The following RPAP2 variants were observed in gnomAD, a reference collection of about 807,000 sequenced individuals.
The protein encoded by RPAP2 is RNA polymerase II associated protein 2, also known as putative RNA polymerase II subunit B1 CTD phosphatase RPAP2.
Under a neutral mutation model 73.1 loss-of-function variants are expected in RPAP2, and 52 were observed. The observed-to-expected ratio is 0.71, with a 90% CI of 0.57 to 0.90. The LOEUF (loss-of-function observed/expected upper bound fraction) is 0.90, where lower values mean the gene tolerates loss of function less well. RPAP2 is among the 40% of genes least tolerant of loss of function. The pLI is 0.00. For missense variants in RPAP2, 598 were observed against 701.8 expected (o/e 0.85, Z 1.67); for synonymous variants, 225 against 242.1 (o/e 0.93, Z 0.65).
At chr1:92,340,805 T>C (rs1653552901) in intron 10 of RPAP2, among the ~76,000 whole-genome samples, 1 of 152,166 alleles carries the variant, frequency 6.6e-6, no homozygotes, top group African/African-American at 2.4e-5. Context: ...GAATGTTACA[T>C]TGGTTTACCT....
At chr1:92,343,161 A>C (rs540278239) in intron 10 of RPAP2, among the ~76,000 whole-genome samples, 40 of 152,310 alleles carry the variant, frequency 2.6e-4, no homozygotes, top group Non-Finnish European at 5.3e-4. Context: ...GAGAGTGCTC[A>C]TGAGAGGTGG....
intron 11 of RPAP2, among the ~76,000 whole-genome samples, chr1:92,370,674 G>C (rs1655110744): frequency 1.3e-5 from 2 of 151,972 alleles, no homozygotes; most frequent in Non-Finnish European, 2.9e-5. Context: ...TATTAAGAAA[G>C]GGTCTATTCT....
At chr1:92,311,512 T>A (rs1651594653) in intron 6 of RPAP2, among the ~76,000 whole-genome samples, 1 of 152,234 alleles carries the variant, frequency 6.6e-6, no homozygotes, top group South Asian at 2.1e-4. Context: ...AGATCAAAGC[T>A]TTTAAATTAT....
rs1002812619 is a variant in RPAP2, at chr1:92,399,915, T to C, written c.*12904T>C. The C allele has an allele frequency of 6.6e-6, 1 of 152,146 alleles. No homozygotes were observed. Among genetic ancestry groups the C allele is most frequent in the Non-Finnish European group, 1.5e-5 (1 of 68,024 alleles). The allele number at this position is 152,146 out of a possible 1,614,324, so 9.4% of individuals were successfully genotyped here. On this transcript the variant is annotated 3_prime_UTR_variant, in exon 13 of 13. Coordinates refer to ENST00000610020, the MANE Select transcript of RPAP2 (RefSeq NM_024813.3). ...TCTGGGTTGGGCATCCAGATAAGAT[T>C]TTCTTCGTACAAAGAGTCTTGCTAC... is the stretch of plus-strand genomic sequence containing the variant.
chr1:92,345,509 A>G (rs996145300), intron 10 of RPAP2, among the ~76,000 whole-genome samples: 1 of 151,952 alleles, frequency 6.6e-6, no homozygotes, highest in East Asian at 1.9e-4. Context: ...AGGGGAAAGC[A>G]TAGAGAATAT....
chr1:92,341,654 A>G (rs1042368871), intron 10 of RPAP2, among the ~76,000 whole-genome samples: 7 of 152,188 alleles, frequency 4.6e-5, no homozygotes, highest in Non-Finnish European at 8.8e-5. Flanking sequence ...AGAAAAGGAA[A>G]TACTTTTTTG....
intron 3 of RPAP2, among the ~76,000 whole-genome samples, chr1:92,303,010 A>G (rs1650972839): frequency 1.3e-5 from 2 of 152,108 alleles, no homozygotes; most frequent in African/African-American, 4.8e-5. Context: ...ACCAGTCTGG[A>G]CAACACAGCG....
At chr1:92,339,526 C>T (rs1653484049) in intron 10 of RPAP2, among the ~76,000 whole-genome samples, 1 of 152,078 alleles carries the variant, frequency 6.6e-6, no homozygotes, top group East Asian at 1.9e-4. Context: ...CCTTGGTTTT[C>T]CTGCCTGCTC....
intron 7 of RPAP2, among the ~76,000 whole-genome samples, chr1:92,323,064 T>C (rs1252173226): frequency 6.9e-6 from 1 of 145,812 alleles, no homozygotes; most frequent in East Asian, 2.0e-4. Flanking sequence ...ATATATACTT[T>C]ATATATATAT....
Position 92,391,456 on chromosome 1 carries a change from C to T in RPAP2, c.*4445C>T, listed in dbSNP as rs1432901605. ...GAGTGATCTAAAATCAACACCCTAA[C>T]ATCACAATTAAAAGAACTAGAGAAG... On this transcript the variant is annotated 3_prime_UTR_variant, in exon 13 of 13. Coordinates refer to ENST00000610020, the MANE Select transcript of RPAP2 (RefSeq NM_024813.3). 1.4e-4 allele frequency: 21 copies of T among 152,128 alleles called. No individual in the cohort carries two copies. Among genetic ancestry groups the T allele is most frequent in the Admixed American group, 1.4e-3 (21 of 15,268 alleles). 9.4% of individuals were successfully genotyped at this position (152,128 alleles called of 1,614,324 possible). A position where few individuals can be genotyped will look rare whatever the true frequency, so the allele number is the denominator to read the frequency against.
At chr1:92,306,317 A>G (rs151211444) in intron 5 of RPAP2, among the ~76,000 whole-genome samples, 1 of 152,238 alleles carries the variant, frequency 6.6e-6, no homozygotes, top group Non-Finnish European at 1.5e-5. Context: ...GAAGGTACTT[A>G]ATACCACTGT....
intron 12 of RPAP2, among the ~76,000 whole-genome samples, chr1:92,381,258 G>C (rs1279901351): frequency 6.6e-6 from 1 of 152,064 alleles, no homozygotes; most frequent in Non-Finnish European, 1.5e-5. Flanking sequence ...TCATCCTACT[G>C]CCCCTTTCAG....
At chr1:92,335,346 A>G (rs1653219604) in intron 9 of RPAP2, among the ~76,000 whole-genome samples, 1 of 152,178 alleles carries the variant, frequency 6.6e-6, no homozygotes, top group Non-Finnish European at 1.5e-5. Flanking sequence ...ATTTTGGAAC[A>G]TGTGTGAAAC....
At chr1:92,374,409 G>A (rs1309005869) in intron 11 of RPAP2, among the ~76,000 whole-genome samples, 1 of 152,154 alleles carries the variant, frequency 6.6e-6, no homozygotes, top group African/African-American at 2.4e-5. Context: ...TAGGGACTGC[G>A]TTGCTAGGTG....
At chr1:92,355,243 A>C (rs1360092515) in intron 11 of RPAP2, among the ~76,000 whole-genome samples, 1 of 152,154 alleles carries the variant, frequency 6.6e-6, no homozygotes, top group Non-Finnish European at 1.5e-5. Flanking sequence ...TTGAAACCCT[A>C]AACTCAGTCT....
chr1:92,384,025 T>G (rs1028066736), intron 12 of RPAP2, among the ~76,000 whole-genome samples: 4 of 151,524 alleles, frequency 2.6e-5, no homozygotes, highest in Non-Finnish European at 5.9e-5. Flanking sequence ...AGTGGTGCAA[T>G]CTCAGCTCAC....
In RPAP2 at chr1:92,392,042, C is replaced by G. The variant is rs918229847; in HGVS notation, c.*5031C>G. The G allele has an allele frequency of 6.6e-6, 1 of 152,194 alleles. No homozygotes were observed. The highest frequency in any genetic ancestry group is 2.1e-4 in the South Asian group (1 of 4,836). The allele number at this position is 152,194 out of a possible 1,614,324, so 9.4% of individuals were successfully genotyped here. A position where few individuals can be genotyped will look rare whatever the true frequency, so the allele number is the denominator to read the frequency against. On this transcript the variant is annotated 3_prime_UTR_variant, in exon 13 of 13. Coordinates refer to ENST00000610020, the MANE Select transcript of RPAP2 (RefSeq NM_024813.3). ...TCCCTAACTCATTTTATGAGGCTAA[C>G]ATCATCCTGATACCAAAGCCTGGCA...
At chr1:92,382,133 T>C (rs568284104) in intron 12 of RPAP2, among the ~76,000 whole-genome samples, 2 of 152,234 alleles carry the variant, frequency 1.3e-5, no homozygotes, top group South Asian at 4.2e-4. Context: ...TATTCCATGG[T>C]GTATATGTGC....
chr1:92,397,645 C>G lies in RPAP2; in HGVS notation c.*10634C>G, dbSNP rs1351225358. On this transcript the variant is annotated 3_prime_UTR_variant, in exon 13 of 13. Transcript: ENST00000610020. ...CCAAGTTTATGTTAGTTTGGGAGGA[C>G]TGAAGCAGAATTCAGTTCAAAGTAC... 2 of 152,166 alleles carry G rather than the reference C, an allele frequency of 1.3e-5. No individual in the cohort carries two copies. The highest frequency in any genetic ancestry group is 1.9e-4 in the East Asian group (1 of 5,192). The allele number at this position is 152,166 out of a possible 1,614,324, so 9.4% of individuals were successfully genotyped here.
Sources: allele counts gnomAD v4.1 joint callset (sites outside exome capture counted in the v4.1 genomes callset), GRCh38; gene constraint gnomAD v4.1.1; transcripts MANE v1.5; gene names NCBI Gene and HGNC (gene_info 2026-07-23, HGNC 2026-07-21).